COG5: variants seen among roughly 807,000 people sequenced by gnomAD.
COG5 encodes the protein conserved oligomeric Golgi complex subunit 5.
In COG5, 86 loss-of-function variants were observed where a neutral mutation model predicts 110.4. The ratio of observed to expected loss-of-function variants is 0.78; its 90% CI spans 0.65 to 0.93. The LOEUF (loss-of-function observed/expected upper bound fraction) is 0.93, where lower values mean the gene tolerates loss of function less well. COG5 is among the 40% of genes least tolerant of loss of function. COG5 has a pLI of 0.00. For missense variants in COG5, 1,077 were observed against 987.0 expected, an observed-to-expected ratio of 1.09 and a Z score of -1.22; for synonymous variants, 360 against 334.6, an observed-to-expected ratio of 1.08 and a Z score of -0.83.
intron 6 of COG5, among the ~76,000 whole-genome samples, chr7:107,461,528 C>G (rs1023406385): frequency 2.0e-5 from 3 of 152,126 alleles, no homozygotes; most frequent in Non-Finnish European, 4.4e-5. Context: ...GCAGTTATGT[C>G]TGCTCTCACC....
chr7:107,467,601 C>T (rs960045224), intron 6 of COG5, among the ~76,000 whole-genome samples: 9 of 152,182 alleles, frequency 5.9e-5, no homozygotes, highest in African/African-American at 2.2e-4. Flanking sequence ...ATCCACCCGC[C>T]TCAGCCTCCC....
intron 8 of COG5, among the ~76,000 whole-genome samples, chr7:107,370,295 T>A (rs533565785): frequency 6.6e-6 from 1 of 152,068 alleles, no homozygotes; most frequent in Non-Finnish European, 1.5e-5. Flanking sequence ...TTTGAAATAA[T>A]CTTACACTTA....
At chr7:107,457,246 T>A (rs1795719726) in intron 6 of COG5, among the ~76,000 whole-genome samples, 1 of 151,228 alleles carries the variant, frequency 6.6e-6, no homozygotes, top group African/African-American at 2.4e-5. Context: ...ATATTTGAAC[T>A]GAAAAGTTCC....
chr7:107,229,737 T>C (rs1289991937), intron 19 of COG5, among the ~76,000 whole-genome samples: 1 of 152,136 alleles, frequency 6.6e-6, no homozygotes, highest in African/African-American at 2.4e-5. Flanking sequence ...CTCCGCTCAG[T>C]ACTAAATTTT....
chr7:107,470,373 AG>A (rs1426475953), intron 6 of COG5: 1 of 152,198 alleles, frequency 6.6e-6, no homozygotes, highest in Non-Finnish European at 1.5e-5. Context: ...TCTACTAACA[AG>A]TGAACAAAAT....
intron 10 of COG5, among the ~76,000 whole-genome samples, chr7:107,344,797 T>G (rs1406325815): frequency 6.6e-6 from 1 of 152,226 alleles, no homozygotes; most frequent in Non-Finnish European, 1.5e-5. Context: ...GTGCCGGGAT[T>G]ACAGGCGTGA....
At chr7:107,465,411 T>C (rs934508890) in intron 6 of COG5, among the ~76,000 whole-genome samples, 1 of 152,186 alleles carries the variant, frequency 6.6e-6, no homozygotes, top group Admixed American at 6.5e-5. Flanking sequence ...GCAGGATCTG[T>C]AGGCCAAGAA....
chr7:107,324,608 G>T, intron 10 of COG5, 87 bp from the exon 11 acceptor site: 1 of 674,032 alleles, frequency 1.5e-6, no homozygotes. Context: ...ACCTTGAAAA[G>T]TTATTTAAAA....
chr7:107,432,251 A>G (rs981537066), intron 6 of COG5, among the ~76,000 whole-genome samples: 1 of 152,232 alleles, frequency 6.6e-6, no homozygotes, highest in African/African-American at 2.4e-5. Context: ...TGACCAAGTG[A>G]AAAGACCATA....
chr7:107,429,890 T>C (rs1793899123), intron 6 of COG5, among the ~76,000 whole-genome samples: 1 of 152,192 alleles, frequency 6.6e-6, no homozygotes, highest in African/African-American at 2.4e-5. Context: ...TAAACCTCTT[T>C]CTTTTGTAAA....
chr7:107,518,352 G>C (rs959779959), intron 6 of COG5, among the ~76,000 whole-genome samples: 1 of 152,022 alleles, frequency 6.6e-6, no homozygotes, highest in Non-Finnish European at 1.5e-5. Context: ...CAATTAAAAA[G>C]GTACAGACTG....
intron 19 of COG5, among the ~76,000 whole-genome samples, chr7:107,213,466 A>T (rs898917266): frequency 9.8e-5 from 15 of 152,320 alleles, no homozygotes; most frequent in African/African-American, 3.6e-4. Context: ...CTAAACCTAG[A>T]GCCCAGCCTG....
intron 5 of COG5, among the ~76,000 whole-genome samples, chr7:107,529,025 A>AAAAAAAAAAT (rs1491260529): frequency 2.5e-5 from 1 of 40,542 alleles, no homozygotes. Context: ...ATACTTAAAT[A>AAAAAAAAAAT]AAAAAAAAAA....
chr7:107,235,473 G>C (rs1801112472), intron 18 of COG5, among the ~76,000 whole-genome samples: 1 of 152,248 alleles, frequency 6.6e-6, no homozygotes. Context: ...GGGAGGCCAA[G>C]GCGGGTGGAT....
chr7:107,277,794 G>T (rs552591651), intron 14 of COG5, among the ~76,000 whole-genome samples: 4 of 152,030 alleles, frequency 2.6e-5, no homozygotes, highest in Non-Finnish European at 4.4e-5. Context: ...AGGACTGAAG[G>T]ATTTATCCTT....
At chr7:107,403,255 A>G (rs1791570160) in intron 7 of COG5, among the ~76,000 whole-genome samples, 2 of 152,204 alleles carry the variant, frequency 1.3e-5, no homozygotes. Context: ...GTAACAAAAT[A>G]CCATAGACTG....
intron 10 of COG5, among the ~76,000 whole-genome samples, chr7:107,334,304 A>C (rs1810519798): frequency 6.6e-6 from 1 of 152,180 alleles, no homozygotes; most frequent in Non-Finnish European, 1.5e-5. Context: ...AGGAACAAAA[A>C]GATAAATGCT....
At chr7:107,428,724 C>A (rs985393504) in intron 6 of COG5, among the ~76,000 whole-genome samples, 1 of 152,158 alleles carries the variant, frequency 6.6e-6, no homozygotes, top group Admixed American at 6.5e-5. Flanking sequence ...AATCAACCCC[C>A]AATTTAGGCC....
In COG5 at chr7:107,236,469, A is replaced by G. The variant is rs1181180574; in HGVS notation, c.2072T>C (p.Leu691Pro). ...RPLGEGGKMRLAADFAQMELA... is the reference protein window; with the variant it reads ...RPLGEGGKMRPAADFAQMELA... ...ATGTACCTGTGCAAAATCAGCAGCAAGTCGCATTTTCCCACCTTCACCAAG... is the reference window on the plus strand; with the variant it reads ...ATGTACCTGTGCAAAATCAGCAGCAGGTCGCATTTTCCCACCTTCACCAAG... Residue 691 changes from leucine (L) to proline (P), a missense_variant, in exon 18 of 22, where the codon CTT becomes CCT. By Grantham distance (98) the Leu-to-Pro change is moderately conservative. Coordinates refer to ENST00000297135, the MANE Select transcript of COG5 (RefSeq NM_006348.5). 6.2e-7 allele frequency: 1 copy of G among 1,613,936 alleles called. No homozygotes were observed. The highest frequency in any genetic ancestry group is 8.5e-7 in the Non-Finnish European group (1 of 1,179,774).
Sources: allele counts gnomAD v4.1 joint callset (sites outside exome capture counted in the v4.1 genomes callset), GRCh38; gene constraint gnomAD v4.1.1; transcripts MANE v1.5; gene names NCBI Gene and HGNC (gene_info 2026-07-23, HGNC 2026-07-21).